Variants in TTC7B observed in about 807,000 individuals in gnomAD.
TTC7B encodes the protein tetratricopeptide repeat protein 7B.
Under a neutral mutation model 106.8 loss-of-function variants are expected in TTC7B, and 28 were observed. The observed-to-expected ratio is 0.26, with a 90% CI of 0.19 to 0.36. The LOEUF (loss-of-function observed/expected upper bound fraction) is 0.36, where lower values mean the gene tolerates loss of function less well. Among genes scored for constraint, TTC7B ranks in the 10% least tolerant of loss-of-function variants. The probability of loss-of-function intolerance (pLI) is 1.00; values close to 1 mark genes in which losing one functional copy is unlikely to be tolerated. For synonymous variants in TTC7B, 405 were observed against 430.6 expected, an observed-to-expected ratio of 0.94 and a Z score of 0.74; for missense variants, 862 against 1,076.4, an observed-to-expected ratio of 0.80 and a Z score of 2.79.
intron 18 of TTC7B, among the ~76,000 whole-genome samples, chr14:90,591,712 A>G (rs889963168): frequency 6.6e-6 from 1 of 152,324 alleles, no homozygotes; most frequent in East Asian, 1.9e-4. Flanking sequence ...CCAGCCCCAC[A>G]AGTTCAGGTT....
At chr14:90,794,543 T>G (rs751668647) in intron 1 of TTC7B, among the ~76,000 whole-genome samples, 1 of 152,054 alleles carries the variant, frequency 6.6e-6, no homozygotes, top group Non-Finnish European at 1.5e-5. Context: ...GGTATTTCTT[T>G]ATAGCAGTGT....
intron 2 of TTC7B, among the ~76,000 whole-genome samples, chr14:90,785,004 G>A (rs1443093118): frequency 1.3e-5 from 2 of 152,192 alleles, no homozygotes; most frequent in Non-Finnish European, 2.9e-5. Context: ...CAGGGCCAAG[G>A]AGGTGGCCAG....
intron 2 of TTC7B, among the ~76,000 whole-genome samples, chr14:90,783,418 T>C (rs1891282358): frequency 6.6e-6 from 1 of 152,212 alleles, no homozygotes; most frequent in African/African-American, 2.4e-5. Flanking sequence ...AAAAGAGCAA[T>C]GGGAGAAAAA....
chr14:90,794,319 C>G (rs747841724), intron 1 of TTC7B, among the ~76,000 whole-genome samples: 2 of 150,780 alleles, frequency 1.3e-5, no homozygotes, highest in East Asian at 2.0e-4. Flanking sequence ...CTCCACCTCC[C>G]GGGTTCAAGT....
chr14:90,813,308 T>G (rs1169526277), intron 1 of TTC7B, among the ~76,000 whole-genome samples: 3 of 152,168 alleles, frequency 2.0e-5, no homozygotes, highest in African/African-American at 7.2e-5. Flanking sequence ...ACCTAATGAT[T>G]ATATTGATTA....
At chr14:90,804,287 T>TAG (rs2030466374) in intron 1 of TTC7B, among the ~76,000 whole-genome samples, 5 of 148,436 alleles carry the variant, frequency 3.4e-5, no homozygotes, top group Admixed American at 3.4e-4. Context: ...TGAGCCAAGA[T>TAG]CACCACTGCA....
chr14:90,791,528 C>T (rs1032655711), intron 1 of TTC7B, among the ~76,000 whole-genome samples: 1 of 152,152 alleles, frequency 6.6e-6, no homozygotes, highest in Non-Finnish European at 1.5e-5. Context: ...TCAGAGCACG[C>T]GGCTGCCCAG....
At chr14:90,585,282 G>A (rs1240160022) in intron 18 of TTC7B, among the ~76,000 whole-genome samples, 1 of 152,214 alleles carries the variant, frequency 6.6e-6, no homozygotes, top group Non-Finnish European at 1.5e-5. Flanking sequence ...GGCACAGCAG[G>A]ATGAGCTCCT....
chr14:90,579,173 C>T (rs1891382638), intron 18 of TTC7B, among the ~76,000 whole-genome samples: 1 of 152,228 alleles, frequency 6.6e-6, no homozygotes, highest in African/African-American at 2.4e-5. Flanking sequence ...TGAGGCACCA[C>T]CATCTTTCTA....
chr14:90,720,148 A>G (rs76920072), intron 5 of TTC7B, among the ~76,000 whole-genome samples: 3,563 of 152,084 alleles, frequency 0.023, 130 homozygotes, highest in African/African-American at 0.08. Context: ...TGACTAAACA[A>G]TAAGATCACC....
intron 18 of TTC7B, among the ~76,000 whole-genome samples, chr14:90,584,408 C>T (rs993754696): frequency 6.6e-6 from 1 of 152,342 alleles, no homozygotes; most frequent in South Asian, 2.1e-4. Context: ...GCGGGGTGTG[C>T]ACAGGCACTG....
rs1889308389 is a variant in TTC7B at position 90,532,396 on chromosome 14, A to G, written c.*8972T>C. 6.6e-6 allele frequency: 1 copy of G among 152,274 alleles called. No homozygotes were observed. 9.4% of individuals were successfully genotyped at this position (152,274 alleles called of 1,614,324 possible). ...TTGCTGGCAATGTGAGGATGGGCCAATGTGAGGATGGGCCAGCCCTTTTGC... is the reference window on the plus strand; with the variant it reads ...TTGCTGGCAATGTGAGGATGGGCCAGTGTGAGGATGGGCCAGCCCTTTTGC... On this transcript the variant is annotated 3_prime_UTR_variant, in exon 20 of 20. Coordinates refer to ENST00000328459, the MANE Select transcript of TTC7B (RefSeq NM_001010854.2).
At chr14:90,599,281 TCTAA>T (rs764983809) in intron 17 of TTC7B, among the ~76,000 whole-genome samples, 3 of 152,304 alleles carry the variant, frequency 2.0e-5, no homozygotes, top group Non-Finnish European at 2.9e-5. Flanking sequence ...CAGCTCTCCT[TCTAA>T]CTGTCTGGTG....
At position 90,575,411 on chromosome 14, in the gene TTC7B, G is replaced by A. The variant is rs577510427; in HGVS notation, c.2310+2695C>T. ...CAGGGCCTCCTCCTGGGCCTCTAGGGTATACGTGAAGACCCCCTTCCTCCC... is the reference window on the plus strand; with the variant it reads ...CAGGGCCTCCTCCTGGGCCTCTAGGATATACGTGAAGACCCCCTTCCTCCC... On this transcript the variant is annotated intron_variant, in intron 19 of 19. Coordinates refer to ENST00000328459, the MANE Select transcript of TTC7B (RefSeq NM_001010854.2). This position sits in a 1 kb window ranked among gnomAD's most constrained non-coding sequence, Gnocchi z 5.2. 6.6e-6 allele frequency among the ~76,000 whole-genome samples: 1 copy of A among 152,362 alleles called. No homozygotes were observed. The highest frequency in any genetic ancestry group is 1.9e-4 in the East Asian group (1 of 5,184).
intron 15 of TTC7B, among the ~76,000 whole-genome samples, chr14:90,620,955 G>C (rs571959134): frequency 6.6e-6 from 1 of 152,288 alleles, no homozygotes; most frequent in South Asian, 2.1e-4. Flanking sequence ...ACAAACGATG[G>C]AAAAAAGCAC....
In TTC7B at chr14:90,680,485, A is replaced by G; in HGVS notation, c.1001T>C (p.Ile334Thr). The change falls in exon 8 of 20, where the codon ATT becomes ACT. Residue 334 changes from isoleucine to threonine, a missense_variant. Ile to Thr is a moderately conservative substitution (Grantham distance 89, BLOSUM62 -1). Coordinates refer to ENST00000328459, the MANE Select transcript of TTC7B (RefSeq NM_001010854.2). ...CATTCCACTTACCATTGATTCACTAATCAGCAATAACAACAGGGCTTCTTC... is the reference window on the plus strand; with the variant it reads ...CATTCCACTTACCATTGATTCACTAGTCAGCAATAACAACAGGGCTTCTTC... ...NTEEALLLLL[I>T]SESMANRDAV... 6.2e-7 allele frequency: 1 copy of G among 1,613,942 alleles called. No homozygotes were observed. Among genetic ancestry groups the G allele is most frequent in the Non-Finnish European group, 8.5e-7 (1 of 1,179,848 alleles).
chr14:90,630,558 A>G (rs1224939283), intron 15 of TTC7B, among the ~76,000 whole-genome samples: 1 of 152,222 alleles, frequency 6.6e-6, no homozygotes, highest in African/African-American at 2.4e-5. Context: ...GTACATTCAC[A>G]CTGTTGTGCA....
intron 1 of TTC7B, among the ~76,000 whole-genome samples, chr14:90,815,218 G>A (rs1482517165): frequency 6.6e-6 from 1 of 152,208 alleles, no homozygotes; most frequent in South Asian, 2.1e-4. Context: ...CGGTGTGCTG[G>A]TGCCTGCGCT....
At chr14:90,654,101 C>A (rs1218457163) in intron 12 of TTC7B, among the ~76,000 whole-genome samples, 1 of 151,900 alleles carries the variant, frequency 6.6e-6, no homozygotes, top group African/African-American at 2.4e-5. Context: ...TAAATTACAA[C>A]AAAACCATAA....
Sources: gnomAD v4.1 joint callset for allele counts (sites outside exome capture counted in the v4.1 genomes callset) on GRCh38, gnomAD v4.1.1 for gene constraint, Gnocchi (gnomAD v3.1) non-coding constraint, MANE v1.5 for transcripts, NCBI Gene and HGNC (gene_info 2026-07-23, HGNC 2026-07-21) for gene names.